SEPTIN8: variants seen among roughly 807,000 people sequenced by gnomAD.
The protein encoded by SEPTIN8 is septin-8.
In SEPTIN8, 22 loss-of-function variants were observed where a neutral mutation model predicts 53.1. The ratio of observed to expected loss-of-function variants is 0.41; its 90% CI spans 0.30 to 0.59. The LOEUF (loss-of-function observed/expected upper bound fraction) is 0.59. SEPTIN8 is among the 20% of genes least tolerant of loss of function. SEPTIN8 has a pLI of 0.24. For synonymous variants in SEPTIN8, 228 were observed against 248.4 expected, an observed-to-expected ratio of 0.92 and a Z score of 0.77; for missense variants, 536 against 638.7, an observed-to-expected ratio of 0.84 and a Z score of 1.73.
chr5:132,759,036 T>G lies in SEPTIN8; in HGVS notation c.1286+1766A>C, dbSNP rs117226626. The G allele has an allele frequency of 1.8e-3, 1,257 of 703,062 alleles. 27 individuals are homozygous for G. In the East Asian group the frequency reaches 0.028, roughly 16 times the overall value. The allele number at this position is 703,062 out of a possible 1,614,324, so 43.6% of individuals were successfully genotyped here. A position where few individuals can be genotyped will look rare whatever the true frequency, so the allele number is the denominator to read the frequency against. On this transcript the variant is annotated intron_variant, in intron 9 of 9. Transcript: ENST00000378719. ...ATTGGGAAGTAATTTTGCAAAAAAT[T>G]TGGATTCAAATTTAAAGAGTATGCA...
At position 132,760,978 on chromosome 5, in the gene SEPTIN8, A is replaced by T. The variant is rs780148866; in HGVS notation, c.1110T>A (p.Phe370Leu). 2 of 1,581,594 alleles carry T rather than the reference A, an allele frequency of 1.3e-6. No homozygotes were observed. The highest frequency in any genetic ancestry group is 2.4e-5 in the South Asian group (2 of 84,848). ...CCTGGTGGACCCGCTTCAGGTGCTCAAACTTCTCATGGAGCTGGCATCAGA... is the reference window on the plus strand; with the variant it reads ...CCTGGTGGACCCGCTTCAGGTGCTCTAACTTCTCATGGAGCTGGCATCAGA... ...KEKERELHEK[F>L]EHLKRVHQEE... Residue 370 changes from phenylalanine (F) to leucine (L), a missense_variant, in exon 9 of 10, where the codon TTT (phenylalanine) becomes TTA (leucine). By Grantham distance (22) the Phe-to-Leu change is conservative. Coordinates refer to ENST00000378719, the MANE Select transcript of SEPTIN8 (RefSeq NM_001098811.2). The surrounding 1 kb of genome is among the most constrained non-coding windows in gnomAD (Gnocchi z 5.2).
At chr5:132,767,498 C>A (rs1374950289) in intron 1 of SEPTIN8, among the ~76,000 whole-genome samples, 1 of 152,182 alleles carries the variant, frequency 6.6e-6, no homozygotes, top group East Asian at 1.9e-4. Flanking sequence ...TACTGGTTAT[C>A]CTTTTTTAAT....
At position 132,765,500 on chromosome 5, in the gene SEPTIN8, G is replaced by T; in HGVS notation, c.60C>A (p.Ser20=). 1 of 1,610,968 alleles carries T rather than the reference G, an allele frequency of 6.2e-7. No homozygotes were observed. Among genetic ancestry groups the T allele is most frequent in the African/African-American group, 1.3e-5 (1 of 74,902 alleles). The change falls in exon 2 of 10, where the codon TCC becomes TCA. Residue 20 remains serine (S), a synonymous_variant. Coordinates refer to ENST00000378719, the MANE Select transcript of SEPTIN8 (RefSeq NM_001098811.2). ...TGTCGAAACCCACATGGCCGCCCAG[G>T]GAGAGGCTCCGGGGCTCTGGCTCTG... The part of the protein sequence containing the change: ...SNAEPEPRSL[S]LGGHVGFDSL...
At position 132,760,564 on chromosome 5, in the gene SEPTIN8, G is replaced by C. The variant is rs1311486053; in HGVS notation, c.1286+238C>G. On this transcript the variant is annotated intron_variant, in intron 9 of 9. Transcript: ENST00000378719. The surrounding 1 kb of genome is among the most constrained non-coding windows in gnomAD (Gnocchi z 5.2). ...AGGGAGGGGGAGCACAAGATTGCCT[G>C]TGCAAGTGAGACTGCATGAGTATCA... Among the ~76,000 whole-genome samples, 2 of 152,176 alleles carry C rather than the reference G, an allele frequency of 1.3e-5. No individual in the cohort carries two copies. Among genetic ancestry groups the C allele is most frequent in the Non-Finnish European group, 2.9e-5 (2 of 68,042 alleles).
At position 132,751,629 on chromosome 5, in the gene SEPTIN8, T is replaced by G. The variant is rs1171324957; in HGVS notation, c.*387A>C. The G allele has an allele frequency of 2.7e-6, 1 of 367,854 alleles. No individual in the cohort carries two copies. Among genetic ancestry groups the G allele is most frequent in the Non-Finnish European group, 4.9e-6 (1 of 204,876 alleles). 22.8% of individuals were successfully genotyped at this position (367,854 alleles called of 1,614,324 possible). ...TGCCAAGTTGCAGAGTTTCGTCTTA[T>G]GATAAGCAGATACAAGTAACTTTTC... On this transcript the variant is annotated 3_prime_UTR_variant, in exon 10 of 10. Coordinates refer to ENST00000378719, the MANE Select transcript of SEPTIN8 (RefSeq NM_001098811.2).
Position 132,761,763 on chromosome 5 carries a change from G to A in SEPTIN8, c.793+37C>T, listed in dbSNP as rs766752887. On this transcript the variant is annotated intron_variant, in intron 6 of 9. Coordinates refer to ENST00000378719, the MANE Select transcript of SEPTIN8 (RefSeq NM_001098811.2). The surrounding 1 kb of genome is among the most constrained non-coding windows in gnomAD (Gnocchi z 5.8). ...GCAGCAGGGCAGGCCAGGGAACTCA[G>A]TTCTACCCCCAGGATGCATTTCCTG... The A allele has an allele frequency of 1.0e-5, 16 of 1,591,872 alleles. No homozygotes were observed. Among genetic ancestry groups the A allele is most frequent in the African/African-American group, 2.7e-5 (2 of 74,572 alleles).
intron 1 of SEPTIN8, 59 bp from the exon 2 acceptor site, chr5:132,765,588 G>C (rs760187960): frequency 1.7e-5 from 26 of 1,523,054 alleles, no homozygotes; most frequent in Non-Finnish European, 2.3e-5. Flanking sequence ...GTCAAGCTGC[G>C]GGGTGGGCGC....
chr5:132,757,869 C>T, intron 9 of SEPTIN8: 1 of 985,666 alleles, frequency 1.0e-6, no homozygotes, highest in Non-Finnish European at 1.2e-6. Flanking sequence ...TCTCTTCACC[C>T]TGTGACCCAG....
intron 1 of SEPTIN8, among the ~76,000 whole-genome samples, chr5:132,772,991 G>A (rs923957326): frequency 1.3e-5 from 2 of 152,190 alleles, no homozygotes; most frequent in African/African-American, 2.4e-5. Flanking sequence ...CCTGAAAGCC[G>A]TGTATCCTGA....
chr5:132,759,884 T>C (rs1341898792), intron 9 of SEPTIN8, among the ~76,000 whole-genome samples: 1 of 152,058 alleles, frequency 6.6e-6, no homozygotes, highest in Non-Finnish European at 1.5e-5. Flanking sequence ...GCTAAGGGTG[T>C]GGAAACAGGC....
At position 132,776,993 on chromosome 5, in the gene SEPTIN8, T is replaced by A. The variant is rs1757865474; in HGVS notation, c.30+115A>T. ...CCGGGGTCCTCGAGCTGGCCCGGTG[T>A]CGAGGCCCGGCCGTGAGGCGCTGAC... is the stretch of plus-strand genomic sequence containing the variant. On this transcript the variant is annotated intron_variant, in intron 1 of 9. Coordinates refer to ENST00000378719, the MANE Select transcript of SEPTIN8 (RefSeq NM_001098811.2). The surrounding 1 kb of genome is among the most constrained non-coding windows in gnomAD (Gnocchi z 4.4). 1 of 610,894 alleles carries A rather than the reference T, an allele frequency of 1.6e-6. No individual in the cohort carries two copies. Among genetic ancestry groups the A allele is most frequent in the Non-Finnish European group, 2.2e-6 (1 of 454,702 alleles). The allele number at this position is 610,894 out of a possible 1,614,324, so 37.8% of individuals were successfully genotyped here.
In SEPTIN8 at chr5:132,760,804, C is replaced by CTTCTTG; in HGVS notation, c.1278_1283dup (p.Lys427_Lys428insAsnLys). On this transcript the variant is annotated inframe_insertion, in exon 9 of 10. Coordinates refer to ENST00000378719, the MANE Select transcript of SEPTIN8 (RefSeq NM_001098811.2). The surrounding 1 kb of genome is among the most constrained non-coding windows in gnomAD (Gnocchi z 5.2). ...CGCAGGCGCAGCCTGCCACCTACTTCTTCTTGTCCTTGTCCTTCCTCAGGG... is the reference window on the plus strand; with the variant it reads ...CGCAGGCGCAGCCTGCCACCTACTTCTTCTTGTTCTTGTCCTTGTCCTTCCTCAGGG... 6.2e-7 allele frequency: 1 copy of CTTCTTG among 1,613,438 alleles called. No homozygotes were observed. Among genetic ancestry groups the CTTCTTG allele is most frequent in the South Asian group, 1.1e-5 (1 of 91,066 alleles).
chr5:132,779,852 T>C (rs957694278), upstream of SEPTIN8, among the ~76,000 whole-genome samples: 1 of 152,230 alleles, frequency 6.6e-6, no homozygotes, highest in Non-Finnish European at 1.5e-5. Flanking sequence ...GCAAATGGTA[T>C]CACAGACGAC....
chr5:132,758,843 A>G (rs1755604350), intron 9 of SEPTIN8: 1 of 1,609,224 alleles, frequency 6.2e-7, no homozygotes, highest in Non-Finnish European at 8.5e-7. Context: ...TAAAAATAAA[A>G]CAAACAAAAC....
At position 132,776,005 on chromosome 5, in the gene SEPTIN8, G is replaced by A. The variant is rs1321960735; in HGVS notation, c.30+1103C>T. 6.6e-6 allele frequency: 1 copy of A among 152,230 alleles called. No homozygotes were observed. The highest frequency in any genetic ancestry group is 2.4e-5 in the African/African-American group (1 of 41,430). The allele number at this position is 152,230 out of a possible 1,614,324, so 9.4% of individuals were successfully genotyped here. ...AAGTAGAATAAGAAATGTATTTTCA[G>A]ATTAAATGGAAAATTTACATATATA... On this transcript the variant is annotated intron_variant, in intron 1 of 9. Transcript: ENST00000378719. This position sits in a 1 kb window ranked among gnomAD's most constrained non-coding sequence, Gnocchi z 4.4.
chr5:132,762,600 T>G lies in SEPTIN8; in HGVS notation c.580A>C (p.Ser194Arg). ...IIAKADTISKSELHKFKIKIM... is the reference protein window; with the variant it reads ...IIAKADTISKRELHKFKIKIM... ...TTGATCTTGAACTTGTGGAGCTCGC[T>G]CTTGGAGATGGTGTCAGCCTTGGCG... Residue 194 changes from serine to arginine, a missense_variant, in exon 5 of 10, where the codon AGC becomes CGC. By Grantham distance (110) the Ser-to-Arg change is moderately radical. Transcript: ENST00000378719. The G allele has an allele frequency of 6.2e-7, 1 of 1,614,218 alleles. No individual in the cohort carries two copies. Among genetic ancestry groups the G allele is most frequent in the South Asian group, 1.1e-5 (1 of 91,080 alleles).
chr5:132,770,644 C>T (rs375465318), intron 1 of SEPTIN8, among the ~76,000 whole-genome samples: 3 of 152,172 alleles, frequency 2.0e-5, no homozygotes, highest in African/African-American at 7.2e-5. Flanking sequence ...GCTGGACGGA[C>T]CCTGCAGCCA....
intron 1 of SEPTIN8, among the ~76,000 whole-genome samples, chr5:132,767,881 G>C (rs1756763521): frequency 1.3e-5 from 2 of 150,420 alleles, no homozygotes; most frequent in South Asian, 4.2e-4. Flanking sequence ...GACACAATCA[G>C]GATGCAATCC....
At chr5:132,765,870 C>G (rs1756534659) in intron 1 of SEPTIN8, among the ~76,000 whole-genome samples, 1 of 152,212 alleles carries the variant, frequency 6.6e-6, no homozygotes, top group Non-Finnish European at 1.5e-5. Flanking sequence ...TTTTCCTACT[C>G]AGGAGGAGGC....
Sources: allele counts gnomAD v4.1 joint callset (sites outside exome capture counted in the v4.1 genomes callset), GRCh38; gene constraint gnomAD v4.1.1; non-coding constraint Gnocchi (gnomAD v3.1); transcripts MANE v1.5; gene names NCBI Gene and HGNC (gene_info 2026-07-23, HGNC 2026-07-21).